MFF: variants seen among roughly 807,000 people sequenced by gnomAD.
MFF encodes the protein mitochondrial fission factor, also known as chromosome 2 open reading frame 33.
MFF carries 12 observed loss-of-function variants against 36.9 expected under a neutral mutation model. The observed-to-expected ratio is 0.33, with a 90% CI of 0.21 to 0.53. The LOEUF is 0.53. MFF is among the 20% of genes least tolerant of loss of function. The probability of loss-of-function intolerance (pLI) is 0.95; values close to 1 mark genes in which losing one functional copy is unlikely to be tolerated. For synonymous variants in MFF, 99 were observed against 126.2 expected (o/e 0.78, Z 1.44); for missense variants, 348 against 366.6 (o/e 0.95, Z 0.42).
At position 227,331,959 on chromosome 2, in the gene MFF, A is replaced by ATT. The variant is rs10549336; in HGVS notation, c.182-431_182-430dup. 8.3e-4 allele frequency among the ~76,000 whole-genome samples: 64 copies of ATT among 76,816 alleles called. 13 individuals are homozygous for ATT. The highest frequency in any genetic ancestry group is 9.6e-4 in the Non-Finnish European group (37 of 38,374). The allele number at this position is 76,816 out of a possible 152,430, so 50.4% of individuals were successfully genotyped here. On this transcript the variant is annotated intron_variant, in intron 3 of 8. Coordinates refer to ENST00000304593, the MANE Select transcript of MFF (RefSeq NM_001277062.2). Reference sequence around the variant, plus strand: ...AGTGAAATGTCAATACGCTGGAAGCATTTTTTTTTTTTTTTTTTTTTTTTT... The same window carrying ATT: ...AGTGAAATGTCAATACGCTGGAAGCATTTTTTTTTTTTTTTTTTTTTTTTTTT...
intron 2 of MFF, chr2:227,329,414 T>TA: frequency 7.1e-6 from 2 of 281,288 alleles, no homozygotes; most frequent in Non-Finnish European, 6.7e-6. Flanking sequence ...TGACTGTGCT[T>TA]ACAACTGTCT....
intron 6 of MFF, among the ~76,000 whole-genome samples, chr2:227,351,276 CA>C: frequency 6.6e-6 from 1 of 152,132 alleles, no homozygotes; most frequent in East Asian, 1.9e-4. Context: ...CATGTTCCCC[CA>C]AAAAGTCTCT....
intron 2 of MFF, 46 bp downstream of exon 2, chr2:227,328,835 T>C (rs2074364664): frequency 6.6e-6 from 1 of 152,258 alleles, no homozygotes; most frequent in Non-Finnish European, 1.5e-5. Context: ...AGTCTTTAAA[T>C]CGTCTGCATG....
intron 4 of MFF, among the ~76,000 whole-genome samples, chr2:227,335,245 C>T (rs982167237): frequency 6.6e-6 from 1 of 150,490 alleles, no homozygotes; most frequent in Admixed American, 6.6e-5. Context: ...GTTTAAGAAG[C>T]CAGACAACAA....
intron 5 of MFF, chr2:227,346,629 G>A (rs1352909921): frequency 6.6e-6 from 1 of 152,188 alleles, no homozygotes; most frequent in African/African-American, 2.4e-5. Flanking sequence ...TTTAACTAGA[G>A]AACATATGCT....
At chr2:227,350,262 A>G (rs1349031789) in intron 6 of MFF, among the ~76,000 whole-genome samples, 1 of 152,132 alleles carries the variant, frequency 6.6e-6, no homozygotes, top group Admixed American at 6.5e-5. Context: ...TTAAAATACT[A>G]TTATGATTTG....
chr2:227,356,687 A>G (rs1361207466), intron 8 of MFF, among the ~76,000 whole-genome samples: 1 of 152,152 alleles, frequency 6.6e-6, no homozygotes, highest in Non-Finnish European at 1.5e-5. Flanking sequence ...CTGCCAGAAT[A>G]ACAGTAGGTA....
intron 7 of MFF, among the ~76,000 whole-genome samples, chr2:227,354,589 AAAG>A (rs1423352958): frequency 6.6e-6 from 1 of 152,264 alleles, no homozygotes; most frequent in Non-Finnish European, 1.5e-5. Flanking sequence ...AAATCCAGGC[AAAG>A]AAGAGGAATG....
At chr2:227,329,701 G>C in intron 2 of MFF, 1 of 1,330,374 alleles carries the variant, frequency 7.5e-7, no homozygotes. Flanking sequence ...CTGCAGGGTA[G>C]CAGTATTTTA....
In MFF at chr2:227,355,828, C is replaced by A. The variant is rs979063720; in HGVS notation, c.744+67C>A. 5.2e-6 allele frequency: 5 copies of A among 963,524 alleles called. No homozygotes were observed. In the Admixed American group the frequency reaches 7.8e-5, roughly 15 times the overall value. The allele number at this position is 963,524 out of a possible 1,614,324, so 59.7% of individuals were successfully genotyped here. A position where few individuals can be genotyped will look rare whatever the true frequency, so the allele number is the denominator to read the frequency against. On this transcript the variant is annotated intron_variant, in intron 8 of 8. Coordinates refer to ENST00000304593, the MANE Select transcript of MFF (RefSeq NM_001277062.2). ...CATACAATATTTTAAAGTGATAGTT[C>A]TCAACATTTTATTATTTTCTCTCCT...
At chr2:227,327,724 G>A (rs564588852) in intron 1 of MFF, among the ~76,000 whole-genome samples, 195 of 152,356 alleles carry the variant, frequency 1.3e-3, no homozygotes, top group Admixed American at 4.4e-3. Context: ...GCAATGAATG[G>A]AATGCAGAGA....
intron 6 of MFF, among the ~76,000 whole-genome samples, chr2:227,349,699 G>A (rs2075891924): frequency 6.6e-6 from 1 of 152,094 alleles, no homozygotes; most frequent in Non-Finnish European, 1.5e-5. Flanking sequence ...TATTTCCTTT[G>A]TGAGAAGTAT....
At chr2:227,331,036 G>A (rs1035495168) in intron 3 of MFF, among the ~76,000 whole-genome samples, 190 bp downstream of exon 3, 2 of 152,114 alleles carry the variant, frequency 1.3e-5, no homozygotes, top group African/African-American at 4.8e-5. Flanking sequence ...ACTAATTATT[G>A]AGGTTTTACA....
intron 5 of MFF, among the ~76,000 whole-genome samples, chr2:227,343,084 A>G (rs2075497170): frequency 6.6e-6 from 1 of 152,084 alleles, no homozygotes; most frequent in South Asian, 2.1e-4. Context: ...GCACATAAGG[A>G]CCAAGCATCC....
At chr2:227,347,949 A>G (rs2075797562) in intron 6 of MFF, among the ~76,000 whole-genome samples, 2 of 152,320 alleles carry the variant, frequency 1.3e-5, no homozygotes, top group East Asian at 3.9e-4. Context: ...GAACATCTCC[A>G]GGTAAAATCA....
chr2:227,328,308 A>C (rs1007107013), intron 1 of MFF, among the ~76,000 whole-genome samples: 7 of 147,136 alleles, frequency 4.8e-5, no homozygotes, highest in East Asian at 2.0e-4. Context: ...AAAAAAAAAA[A>C]AAAAAAAAAA....
Position 227,355,663 on chromosome 2 carries a change from T to C in MFF, c.660-14T>C, listed in dbSNP as rs761548273. ...ACTTTACTATTCATTTGTATTTCTA[T>C]CTCTTATCTGCAGGTATGGCATTTC... On this transcript the variant is annotated splice_polypyrimidine_tract_variant and intron_variant, in intron 7 of 8. Coordinates refer to ENST00000304593, the MANE Select transcript of MFF (RefSeq NM_001277062.2). 1.5e-6 allele frequency: 2 copies of C among 1,351,930 alleles called. No homozygotes were observed. The highest frequency in any genetic ancestry group is 1.8e-5 in the Admixed American group (1 of 55,274). The allele number at this position is 1,351,930 out of a possible 1,614,324, so 83.7% of individuals were successfully genotyped here. A position where few individuals can be genotyped will look rare whatever the true frequency, so the allele number is the denominator to read the frequency against.
Position 227,332,452 on chromosome 2 carries a change from C to T in MFF, c.215C>T (p.Ala72Val). Residue 72 changes from alanine (A) to valine (V), a missense_variant, in exon 4 of 9, where the codon GCA becomes GTA. By Grantham distance (64) the Ala-to-Val change is moderately conservative. Transcript: ENST00000304593. ...NNEDVSFSRPADLDLIQSTPF... is the reference protein window; with the variant it reads ...NNEDVSFSRPVDLDLIQSTPF... ...GAAGATGTTTCATTTTCAAGACCAG[C>T]AGATCTTGACCTTATTCAGTCAACT... 1 of 1,612,270 alleles carries T rather than the reference C, an allele frequency of 6.2e-7. No individual in the cohort carries two copies. The highest frequency in any genetic ancestry group is 8.5e-7 in the Non-Finnish European group (1 of 1,179,186).
chr2:227,325,292 C>G lies in MFF; in HGVS notation c.-288C>G, dbSNP rs1176737204. On this transcript the variant is annotated 5_prime_UTR_variant, in exon 1 of 9. Coordinates refer to ENST00000304593, the MANE Select transcript of MFF (RefSeq NM_001277062.2). ...CGCCTTTCGCGCTTCTGCCCTGGCCCTCTGCGGGCCGCTCCGCCGGTGCTG... is the reference window on the plus strand; with the variant it reads ...CGCCTTTCGCGCTTCTGCCCTGGCCGTCTGCGGGCCGCTCCGCCGGTGCTG... The G allele has an allele frequency of 6.5e-6, 1 of 155,024 alleles. No individual in the cohort carries two copies. The highest frequency in any genetic ancestry group is 1.4e-5 in the Non-Finnish European group (1 of 69,500). The allele number at this position is 155,024 out of a possible 1,614,324, so 9.6% of individuals were successfully genotyped here. A position where few individuals can be genotyped will look rare whatever the true frequency, so the allele number is the denominator to read the frequency against.
Sources: allele counts gnomAD v4.1 joint callset (sites outside exome capture counted in the v4.1 genomes callset), GRCh38; gene constraint gnomAD v4.1.1; transcripts MANE v1.5; gene names NCBI Gene and HGNC (gene_info 2026-07-23, HGNC 2026-07-21).